The following RNF13 variants were observed in gnomAD, a reference collection of about 807,000 sequenced individuals.
The protein encoded by RNF13 is E3 ubiquitin-protein ligase RNF13.
A neutral mutation model predicts 37.7 loss-of-function variants in RNF13; 19 were observed. The ratio of observed to expected loss-of-function variants is 0.50; its 90% CI spans 0.35 to 0.74. The LOEUF is 0.74. RNF13 is among the 30% of genes least tolerant of loss of function. The pLI is 0.01. For missense variants in RNF13, 375 were observed against 453.0 expected (o/e 0.83, Z 1.56); for synonymous variants, 144 against 157.8 (o/e 0.91, Z 0.65).
chr3:149,879,793 T>TATA (rs1314884335), intron 4 of RNF13, among the ~76,000 whole-genome samples: 1 of 152,232 alleles, frequency 6.6e-6, no homozygotes, highest in Non-Finnish European at 1.5e-5. Flanking sequence ...ATCTTGTGTT[T>TATA]ATAATAGCTT....
intron 4 of RNF13, among the ~76,000 whole-genome samples, chr3:149,888,581 A>T (rs1046499817): frequency 6.6e-6 from 1 of 152,232 alleles, no homozygotes; most frequent in African/African-American, 2.4e-5. Flanking sequence ...TATAATTCAG[A>T]TAAAAGTTTT....
intron 1 of RNF13, among the ~76,000 whole-genome samples, chr3:149,828,109 C>A (rs941351136): frequency 2.0e-5 from 3 of 152,132 alleles, no homozygotes; most frequent in East Asian, 1.9e-4. Context: ...TCAGAAATTG[C>A]AAAAATTAAA....
chr3:149,829,056 C>T (rs1410198421), intron 1 of RNF13, among the ~76,000 whole-genome samples: 2 of 152,096 alleles, frequency 1.3e-5, no homozygotes, highest in Non-Finnish European at 2.9e-5. Context: ...GGATTGAGAA[C>T]AATTGGTATG....
chr3:149,831,107 G>A (rs1300138491), intron 1 of RNF13, among the ~76,000 whole-genome samples: 1 of 152,232 alleles, frequency 6.6e-6, no homozygotes, highest in East Asian at 1.9e-4. Flanking sequence ...CTGCGGGGGT[G>A]AAGCCCTCAG....
At chr3:149,840,277 A>G (rs765556445) in intron 1 of RNF13, among the ~76,000 whole-genome samples, 1 of 152,202 alleles carries the variant, frequency 6.6e-6, no homozygotes, top group Non-Finnish European at 1.5e-5. Context: ...TAGTGTACAC[A>G]TCTCTAGAAG....
At chr3:149,904,461 A>G (rs1716188892) in intron 6 of RNF13, among the ~76,000 whole-genome samples, 1 of 151,960 alleles carries the variant, frequency 6.6e-6, no homozygotes, top group African/African-American at 2.4e-5. Context: ...ACTCACTGCA[A>G]CCTCTGCCTC....
At chr3:149,843,480 A>T (rs751301918) in intron 1 of RNF13, among the ~76,000 whole-genome samples, 3 of 152,224 alleles carry the variant, frequency 2.0e-5, no homozygotes, top group Non-Finnish European at 4.4e-5. Context: ...TAGAGACTAT[A>T]AAGCAAAACT....
rs115793612 is a variant in RNF13 at position 149,827,704 on chromosome 3, A to G, written c.-17+14351A>G. 3.8e-3 allele frequency among the ~76,000 whole-genome samples: 576 copies of G among 152,332 alleles called. 4 individuals carry two copies. Among genetic ancestry groups the G allele is most frequent in the Non-Finnish European group, 6.0e-3 (405 of 68,026 alleles). The stretch of plus-strand genomic sequence containing the variant: ...TATAATAAAAAAAGGAAAGATGATT[A>G]TAAGAAGAGTGAGGCATGATAGGTG... On this transcript the variant is annotated intron_variant, in intron 1 of 9. Transcript: ENST00000392894.
In RNF13 at chr3:149,867,333, T is replaced by A. The variant is rs960210999; in HGVS notation, c.196-4696T>A. Among the ~76,000 whole-genome samples the A allele has an allele frequency of 9.2e-5, 14 of 151,926 alleles. No individual in the cohort carries two copies. The East Asian group carries it at 2.1e-3, about 23-fold the overall frequency. On this transcript the variant is annotated intron_variant, in intron 3 of 9. Coordinates refer to ENST00000392894, the MANE Select transcript of RNF13 (RefSeq NM_183381.3). Reference sequence around the variant, plus strand: ...CAGGCTGGAGTGCAGTGGCCCTATCTCGGCTCACTGCAAGCTCCGCCTCCC... The same window carrying A: ...CAGGCTGGAGTGCAGTGGCCCTATCACGGCTCACTGCAAGCTCCGCCTCCC...
rs187571521 is a variant in RNF13 at position 149,873,490 on chromosome 3, A to G, written c.321+1336A>G. On this transcript the variant is annotated intron_variant, in intron 4 of 9. Transcript: ENST00000392894. ...TGAGTACTTCTAAAGGAGTTTAATG[A>G]TTTAGTCATTACTCCAGCTCATCTC... Among the ~76,000 whole-genome samples, 45 of 152,212 alleles carry G rather than the reference A, an allele frequency of 3.0e-4. No homozygotes were observed. The East Asian group carries it at 7.5e-3, about 25-fold the overall frequency.
intron 8 of RNF13, among the ~76,000 whole-genome samples, chr3:149,940,162 C>T (rs187224600): frequency 6.6e-6 from 1 of 152,178 alleles, no homozygotes; most frequent in East Asian, 1.9e-4. Flanking sequence ...CCTTTCTTAG[C>T]ATATTAATGT....
At chr3:149,910,234 A>C (rs183743022) in intron 6 of RNF13, among the ~76,000 whole-genome samples, 2 of 152,306 alleles carry the variant, frequency 1.3e-5, no homozygotes, top group African/African-American at 4.8e-5. Flanking sequence ...GTGCTGGAAG[A>C]GATGGTATCA....
At chr3:149,952,955 C>T (rs1379934224) in intron 8 of RNF13, among the ~76,000 whole-genome samples, 2 of 152,134 alleles carry the variant, frequency 1.3e-5, no homozygotes, top group South Asian at 2.1e-4. Flanking sequence ...TTCCAAAACT[C>T]CCATTACCTT....
chr3:149,884,892 C>T (rs941977545), intron 4 of RNF13, among the ~76,000 whole-genome samples: 1 of 151,520 alleles, frequency 6.6e-6, no homozygotes, highest in Non-Finnish European at 1.5e-5. Context: ...CATTAACCAT[C>T]CCCATCTCCC....
At chr3:149,926,305 G>A (rs1489522195) in intron 8 of RNF13, among the ~76,000 whole-genome samples, 1 of 152,042 alleles carries the variant, frequency 6.6e-6, no homozygotes, top group Non-Finnish European at 1.5e-5. Context: ...TCCGCCTCCC[G>A]AGTTCACACT....
chr3:149,951,991 C>G (rs1721389756), intron 8 of RNF13, among the ~76,000 whole-genome samples: 1 of 152,144 alleles, frequency 6.6e-6, no homozygotes, highest in South Asian at 2.1e-4. Context: ...TCTTCCCATT[C>G]TCCTTCTCTT....
intron 5 of RNF13, among the ~76,000 whole-genome samples, chr3:149,896,759 G>A (rs189289885): frequency 8.5e-5 from 13 of 152,186 alleles, no homozygotes; most frequent in Admixed American, 5.2e-4. Flanking sequence ...GATTACATTC[G>A]TGGGCCACCG....
chr3:149,872,134 G>T lies in RNF13; in HGVS notation c.301G>T (p.Asp101Tyr). 6.3e-7 allele frequency: 1 copy of T among 1,576,134 alleles called. No individual in the cohort carries two copies. Among genetic ancestry groups the T allele is most frequent in the Non-Finnish European group, 8.6e-7 (1 of 1,159,028 alleles). Residue 101 changes from aspartate (D) to tyrosine (Y), a missense_variant, in exon 4 of 10, where the codon GAT (aspartate) becomes TAT (tyrosine). Coordinates refer to ENST00000392894, the MANE Select transcript of RNF13 (RefSeq NM_183381.3). ...TTTCATCGTGTTAATTAGAAGACTT[G>T]ATTGTAATTTTGATATAAAGGTATG... ...GTFIVLIRRL[D>Y]CNFDIKVLNA...
At chr3:149,820,652 A>C (rs76352526) in intron 1 of RNF13, among the ~76,000 whole-genome samples, 1,830 of 152,268 alleles carry the variant, frequency 0.012, 30 homozygotes, top group African/African-American at 0.041. Flanking sequence ...TTTGGAAAAA[A>C]AATTGAGGTA....
Sources: allele counts gnomAD v4.1 joint callset (sites outside exome capture counted in the v4.1 genomes callset), GRCh38; gene constraint gnomAD v4.1.1; transcripts MANE v1.5; gene names NCBI Gene and HGNC (gene_info 2026-07-23, HGNC 2026-07-21).